Variants in PLCG2 observed in about 807,000 individuals in gnomAD.
PLCG2 encodes the protein phospholipase C gamma 2.
Under a neutral mutation model 175.6 loss-of-function variants are expected in PLCG2, and 69 were observed. That is an observed-to-expected ratio of 0.39 (90% CI 0.32 to 0.48). PLCG2 has a LOEUF of 0.48. Ranked by LOEUF, PLCG2 falls within the 20% of genes least tolerant of loss-of-function variation. The pLI, the probability that PLCG2 is intolerant of heterozygous loss-of-function variation, is 0.91. For missense variants in PLCG2, 1,798 were observed against 1,650.9 expected (o/e 1.09, Z -1.54); for synonymous variants, 827 against 624.0 (o/e 1.33, Z -4.85).
At chr16:81,837,057 A>T (rs941098326) in intron 2 of PLCG2, among the ~76,000 whole-genome samples, 4 of 152,182 alleles carry the variant, frequency 2.6e-5, no homozygotes, top group African/African-American at 9.7e-5. Context: ...CAACTCTAGA[A>T]TTTATTCCAG....
At chr16:81,742,736 G>C (rs1909622094) in intron 1 of PLCG2, among the ~76,000 whole-genome samples, 1 of 152,134 alleles carries the variant, frequency 6.6e-6, no homozygotes, top group African/African-American at 2.4e-5. Context: ...GAAGGAAAGA[G>C]CCAGGTGCTA....
intron 2 of PLCG2, among the ~76,000 whole-genome samples, chr16:81,821,216 T>C (rs932368051): frequency 1.3e-5 from 2 of 152,174 alleles, no homozygotes; most frequent in Non-Finnish European, 2.9e-5. Context: ...CTTTATCAGA[T>C]TGTTGTGGGG....
intron 32 of PLCG2, among the ~76,000 whole-genome samples, chr16:81,957,451 G>A (rs952082295): frequency 1.5e-4 from 23 of 152,080 alleles, no homozygotes; most frequent in Admixed American, 5.9e-4. Flanking sequence ...ATTTAATAGC[G>A]AAAATAAATG....
At chr16:81,778,679 C>T (rs1458616438), upstream of PLCG2, among the ~76,000 whole-genome samples, 1 of 152,120 alleles carries the variant, frequency 6.6e-6, no homozygotes, top group East Asian at 1.9e-4. Context: ...CTGAGGCTGT[C>T]GGTTTTTAAG....
chr16:81,838,086 C>CT (rs759602641), intron 2 of PLCG2, among the ~76,000 whole-genome samples: 35 of 14,948 alleles, frequency 2.3e-3, no homozygotes, highest in Non-Finnish European at 7.8e-3. Flanking sequence ...TACTAATTTT[C>CT]TTTTTTTTTT....
intron 2 of PLCG2, among the ~76,000 whole-genome samples, chr16:81,824,263 A>T (rs1904946674): frequency 2.0e-5 from 3 of 151,840 alleles, no homozygotes; most frequent in Non-Finnish European, 4.4e-5. Flanking sequence ...CCTCCCAAGT[A>T]ACTAGGATTA....
intron 5 of PLCG2, among the ~76,000 whole-genome samples, chr16:81,868,188 A>G (rs1395205338): frequency 1.3e-5 from 2 of 152,144 alleles, no homozygotes; most frequent in African/African-American, 2.4e-5. Context: ...GGGGTCAACC[A>G]TGTGTACTTT....
chr16:81,773,166 T>TG (rs1050241545), intron 2 of PLCG2, among the ~76,000 whole-genome samples: 93 of 152,116 alleles, frequency 6.1e-4, no homozygotes, highest in African/African-American at 2.0e-3. Context: ...ATGCTGGGTG[T>TG]GGGGGGGCGT....
chr16:81,881,046 C>A, intron 8 of PLCG2, 93 bp downstream of exon 8: 2 of 1,283,952 alleles, frequency 1.6e-6, no homozygotes, highest in Non-Finnish European at 2.3e-6. Context: ...CCTGTGTGTG[C>A]AGGCGCTGAC....
intron 2 of PLCG2, among the ~76,000 whole-genome samples, chr16:81,836,867 T>C (rs988680321): frequency 2.6e-5 from 4 of 152,234 alleles, no homozygotes; most frequent in Non-Finnish European, 4.4e-5. Context: ...GACAGTCATC[T>C]CAGCCTTACA....
chr16:81,903,127 A>G (rs1909221770), intron 14 of PLCG2, among the ~76,000 whole-genome samples: 1 of 152,200 alleles, frequency 6.6e-6, no homozygotes, highest in Admixed American at 6.5e-5. Context: ...CAACATATAA[A>G]TTTTGGGAGG....
At chr16:81,742,592 C>T (rs898932019) in intron 1 of PLCG2, among the ~76,000 whole-genome samples, 1 of 152,178 alleles carries the variant, frequency 6.6e-6, no homozygotes, top group Non-Finnish European at 1.5e-5. Context: ...GTTTCAGGAG[C>T]GCTTAGTATG....
At chr16:81,743,584 C>G (rs567455408) in intron 1 of PLCG2, among the ~76,000 whole-genome samples, 31 of 152,176 alleles carry the variant, frequency 2.0e-4, no homozygotes, top group Non-Finnish European at 3.7e-4. Context: ...CTCATGCACC[C>G]TGAGCTGATG....
At chr16:81,907,545 A>C (rs1193746190) in intron 15 of PLCG2, 140 bp from the exon 16 acceptor site, 2 of 539,830 alleles carry the variant, frequency 3.7e-6, no homozygotes, top group Non-Finnish European at 6.7e-6. Context: ...TTGAATTCAG[A>C]GAATTCGCCA....
At chr16:81,776,424 C>G (rs967195025), upstream of PLCG2, among the ~76,000 whole-genome samples, 4 of 150,872 alleles carry the variant, frequency 2.7e-5, no homozygotes, top group Non-Finnish European at 5.9e-5. Flanking sequence ...TGGTTTCTTT[C>G]CCTACCTATT....
In PLCG2 at chr16:81,891,491, C is replaced by T. The variant is rs867804190; in HGVS notation, c.887C>T (p.Ser296Leu). The T allele has an allele frequency of 6.2e-7, 1 of 1,603,246 alleles. No homozygotes were observed. Among genetic ancestry groups the T allele is most frequent in the Admixed American group, 1.7e-5 (1 of 60,000 alleles). Residue 296 changes from serine (S) to leucine (L), a missense_variant, in exon 11 of 33, where the codon TCA (serine) becomes TTA (leucine). Ser to Leu is a moderately radical substitution (Grantham distance 145, BLOSUM62 -2). Transcript: ENST00000564138. ...FVDEFLTYLF[S>L]RENSIWDEKY... The stretch of plus-strand genomic sequence containing the variant: ...TTTTAGTTCCTCACGTACCTGTTTT[C>T]ACGAGAAAACAGCATCTGGGATGAG...
chr16:81,926,426 C>T lies in PLCG2; in HGVS notation c.2418-656C>T, dbSNP rs1597136903. Among the ~76,000 whole-genome samples the T allele has an allele frequency of 2.0e-5, 3 of 152,302 alleles. No individual in the cohort carries two copies. In the South Asian group the frequency reaches 6.2e-4, roughly 32 times the overall value. Reference sequence around the variant, plus strand: ...TGCCGGGAGGAATCTTAGAGGTGCTCACCGTCTGGTGGGGTCCAGGAACAT... The same window carrying T: ...TGCCGGGAGGAATCTTAGAGGTGCTTACCGTCTGGTGGGGTCCAGGAACAT... On this transcript the variant is annotated intron_variant, in intron 22 of 32. Coordinates refer to ENST00000564138, the MANE Select transcript of PLCG2 (RefSeq NM_002661.5).
At chr16:81,748,473 C>T (rs1444666651) in intron 1 of PLCG2, among the ~76,000 whole-genome samples, 1 of 150,966 alleles carries the variant, frequency 6.6e-6, no homozygotes, top group African/African-American at 2.4e-5. Flanking sequence ...TGTGGAAATG[C>T]TCAAAGACTG....
At chr16:81,935,994 G>A (rs1336303028) in intron 26 of PLCG2, 175 bp from the exon 27 acceptor site, 3 of 985,178 alleles carry the variant, frequency 3.0e-6, no homozygotes, top group Admixed American at 6.1e-5. Flanking sequence ...AACCCCCAGA[G>A]GGCAAGAGTC....
Sources: allele counts gnomAD v4.1 joint callset (sites outside exome capture counted in the v4.1 genomes callset), GRCh38; gene constraint gnomAD v4.1.1; transcripts MANE v1.5; gene names NCBI Gene and HGNC (gene_info 2026-07-23, HGNC 2026-07-21).